NFIB: variants seen among roughly 807,000 people sequenced by gnomAD.
NFIB encodes nuclear factor I B.
NFIB carries 11 observed loss-of-function variants against 61.5 expected under a neutral mutation model. That is an observed-to-expected ratio of 0.18 (90% CI 0.11 to 0.30). The LOEUF is 0.30. Ranked by LOEUF, NFIB falls within the 10% of genes least tolerant of loss-of-function variation. The pLI is 1.00. For missense variants in NFIB, 471 were observed against 608.9 expected (o/e 0.77, Z 2.38); for synonymous variants, 260 against 216.5 (o/e 1.20, Z -1.76).
chr9:14,436,563 A>C, the NFIB span, among the ~76,000 whole-genome samples: 3 of 152,156 alleles, frequency 2.0e-5, no homozygotes, highest in African/African-American at 7.2e-5. Flanking sequence ...CTGCACATTC[A>C]CTGTCTTCTT....
At chr9:14,522,515 A>G in the NFIB span, among the ~76,000 whole-genome samples, 2 of 152,212 alleles carry the variant, frequency 1.3e-5, no homozygotes, top group South Asian at 2.1e-4. Flanking sequence ...TTATTATTGT[A>G]TCACATAGGA....
chr9:14,130,681 G>GA lies in NFIB; in HGVS notation c.926-4916dup, dbSNP rs1034992143. ...AGAATATGCTACTTGGGAAGAGAATGAAAAAAAAAAGTAGAAATGAAAGAA... is the reference window on the plus strand; with the variant it reads ...AGAATATGCTACTTGGGAAGAGAATGAAAAAAAAAAAGTAGAAATGAAAGAA... On this transcript the variant is annotated intron_variant, in intron 6 of 10. Coordinates refer to ENST00000380953, the MANE Select transcript of NFIB (RefSeq NM_001190737.2). Among the ~76,000 whole-genome samples, 850 of 148,124 alleles carry GA rather than the reference G, an allele frequency of 5.7e-3. 6 individuals are homozygous for GA. Among genetic ancestry groups the GA allele is most frequent in the African/African-American group, 0.019 (779 of 40,526 alleles).
intron 1 of NFIB, among the ~76,000 whole-genome samples, chr9:14,384,962 C>A (rs1027810962): frequency 6.6e-6 from 1 of 152,176 alleles, no homozygotes; most frequent in Non-Finnish European, 1.5e-5. Flanking sequence ...CTCTCCAAAG[C>A]CAGTTCACAT....
rs115045982 is a variant in NFIB, at chr9:14,364,518, A to C, written c.108+34006T>G. 2.4e-3 allele frequency among the ~76,000 whole-genome samples: 363 copies of C among 152,376 alleles called. 3 individuals are homozygous for C. The highest frequency in any genetic ancestry group is 8.5e-3 in the African/African-American group (353 of 41,578). ...GTTAGTGAGAAAATACCTAATAATTATTAAAGAAATAGAAATGGGTCCTTA... is the reference window on the plus strand; with the variant it reads ...GTTAGTGAGAAAATACCTAATAATTCTTAAAGAAATAGAAATGGGTCCTTA... On this transcript the variant is annotated intron_variant, in intron 1 of 8. Transcript: ENST00000380934.
At chr9:14,318,561 A>C (rs866004949), upstream of NFIB, among the ~76,000 whole-genome samples, 11 of 127,682 alleles carry the variant, frequency 8.6e-5, no homozygotes, top group African/African-American at 3.4e-4. Flanking sequence ...AAGAAGGTTC[A>C]ACTATTCTAC....
chr9:14,420,744 T>C, the NFIB span, among the ~76,000 whole-genome samples: 3 of 152,124 alleles, frequency 2.0e-5, no homozygotes, highest in East Asian at 5.8e-4. Flanking sequence ...CACTTCATCA[T>C]AGCTAAAATA....
At chr9:14,290,593 G>C (rs116397202) in intron 2 of NFIB, among the ~76,000 whole-genome samples, 1,987 of 152,054 alleles carry the variant, frequency 0.013, 53 homozygotes, top group African/African-American at 0.044. Flanking sequence ...CAAGATTCCA[G>C]AATACGTGCT....
At chr9:14,300,307 T>C (rs2059682149) in intron 2 of NFIB, 2 of 398,076 alleles carry the variant, frequency 5.0e-6, no homozygotes, top group African/African-American at 2.1e-5. Context: ...GTCCTTGAGA[T>C]TTCTAAAATT....
Position 14,236,252 on chromosome 9 carries a change from T to C in NFIB, c.563-56472A>G, listed in dbSNP as rs187738896. Among the ~76,000 whole-genome samples the C allele has an allele frequency of 2.8e-3, 431 of 152,290 alleles. 2 individuals carry two copies. The highest frequency in any genetic ancestry group is 9.7e-3 in the African/African-American group (405 of 41,560). On this transcript the variant is annotated intron_variant, in intron 2 of 10. Coordinates refer to ENST00000380953, the MANE Select transcript of NFIB (RefSeq NM_001190737.2). The stretch of plus-strand genomic sequence containing the variant: ...ATTATGGCTACTGCTTTTGACTGTA[T>C]TTTTCAAAACTGACCACAAAATAGA...
intron 1 of NFIB, chr9:14,321,975 T>C: frequency 8.1e-7 from 1 of 1,230,880 alleles, no homozygotes; most frequent in Non-Finnish European, 1.0e-6. Context: ...AAAGAGATCT[T>C]GAGTCTGTAA....
At chr9:14,250,800 TA>T (rs1210195094) in intron 2 of NFIB, among the ~76,000 whole-genome samples, 2 of 152,220 alleles carry the variant, frequency 1.3e-5, no homozygotes, top group Admixed American at 6.5e-5. Context: ...TCACCTTTTC[TA>T]GTAAAAGATA....
chr9:14,481,522 C>G, the NFIB span, among the ~76,000 whole-genome samples: 16 of 152,028 alleles, frequency 1.1e-4, no homozygotes, highest in African/African-American at 3.9e-4. Context: ...TTGAAATGAT[C>G]ATTAAGAAAA....
Position 14,097,785 on chromosome 9 carries a change from T to C in NFIB, c.1468-9459A>G, listed in dbSNP as rs139697391. On this transcript the variant is annotated intron_variant, in intron 10 of 10. Coordinates refer to ENST00000380953, the MANE Select transcript of NFIB (RefSeq NM_001190737.2). ...AATGTTATGAACAAAGCAAGGAAAA[T>C]GGCTGAGGTGAGTGTTATGCAAATT... 1.1e-3 allele frequency among the ~76,000 whole-genome samples: 162 copies of C among 152,000 alleles called. 2 individuals are homozygous for C. The highest frequency in any genetic ancestry group is 3.8e-3 in the African/African-American group (158 of 41,470).
At chr9:14,474,536 A>G in the NFIB span, among the ~76,000 whole-genome samples, 8 of 152,248 alleles carry the variant, frequency 5.3e-5, no homozygotes, top group African/African-American at 1.7e-4. Context: ...CCATCCTAAT[A>G]GCATTTAAAG....
At chr9:14,531,153 T>C in the NFIB span, among the ~76,000 whole-genome samples, 2 of 152,300 alleles carry the variant, frequency 1.3e-5, no homozygotes, top group African/African-American at 2.4e-5. Flanking sequence ...CCCAGCACTC[T>C]GATTACAGAA....
At chr9:14,450,581 A>G in the NFIB span, among the ~76,000 whole-genome samples, 1 of 152,106 alleles carries the variant, frequency 6.6e-6, no homozygotes, top group Non-Finnish European at 1.5e-5. Context: ...AACCTTGCTC[A>G]GTTCTAACTA....
chr9:14,218,559 T>C (rs964063509), intron 2 of NFIB, among the ~76,000 whole-genome samples: 1 of 152,214 alleles, frequency 6.6e-6, no homozygotes, highest in Non-Finnish European at 1.5e-5. Context: ...GAGAGACTGA[T>C]GACTATAGAT....
At chr9:14,347,643 G>T (rs2061045757) in intron 1 of NFIB, among the ~76,000 whole-genome samples, 1 of 152,166 alleles carries the variant, frequency 6.6e-6, no homozygotes, top group Admixed American at 6.5e-5. Context: ...GAAGATCCAA[G>T]TCTCTTCGGT....
At chr9:14,249,834 G>T (rs2055382085) in intron 2 of NFIB, among the ~76,000 whole-genome samples, 1 of 152,038 alleles carries the variant, frequency 6.6e-6, no homozygotes, top group South Asian at 2.1e-4. Flanking sequence ...AGATAATTTA[G>T]GGCCTAGCAA....
Sources: gnomAD v4.1 joint callset for allele counts (sites outside exome capture counted in the v4.1 genomes callset) on GRCh38, gnomAD v4.1.1 for gene constraint, MANE v1.5 for transcripts, NCBI Gene and HGNC (gene_info 2026-07-23, HGNC 2026-07-21) for gene names.